The following RIT2 variants were observed in gnomAD, a reference collection of about 807,000 sequenced individuals.
RIT2 encodes GTP-binding protein Rit2.
Under a neutral mutation model 23.7 loss-of-function variants are expected in RIT2, and 24 were observed. The observed-to-expected ratio is 1.01, with a 90% CI of 0.73 to 1.43. The LOEUF (loss-of-function observed/expected upper bound fraction) is 1.43, where lower values mean the gene tolerates loss of function less well. RIT2 is among the 40% of genes most tolerant of loss of function. The probability of loss-of-function intolerance (pLI) is 0.00; values close to 1 mark genes in which losing one functional copy is unlikely to be tolerated. For synonymous variants in RIT2, 107 were observed against 91.1 expected (o/e 1.17, Z -0.99); for missense variants, 236 against 266.9 (o/e 0.88, Z 0.81).
intron 3 of RIT2, among the ~76,000 whole-genome samples, chr18:42,962,593 G>T (rs113892211): frequency 1.4e-3 from 211 of 152,312 alleles, no homozygotes; most frequent in African/African-American, 4.8e-3. Context: ...GAGTCAAACA[G>T]CTTTGCTTCA....
intron 4 of RIT2, among the ~76,000 whole-genome samples, chr18:42,768,197 C>G (rs1913471322): frequency 6.6e-6 from 1 of 152,038 alleles, no homozygotes; most frequent in African/African-American, 2.4e-5. Flanking sequence ...AGTTACCTTT[C>G]TGAATAATTT....
chr18:43,107,924 A>G (rs992770099), intron 1 of RIT2, among the ~76,000 whole-genome samples: 17 of 151,726 alleles, frequency 1.1e-4, no homozygotes, highest in African/African-American at 4.1e-4. Context: ...AGCCCTTTGG[A>G]AGTCCGAGGC....
intron 4 of RIT2, among the ~76,000 whole-genome samples, chr18:42,791,079 C>A (rs1054996611): frequency 6.6e-6 from 1 of 152,112 alleles, no homozygotes; most frequent in African/African-American, 2.4e-5. Flanking sequence ...TCTAATGTGG[C>A]AATAAACTTA....
At chr18:43,013,735 G>T (rs1227672903) in intron 2 of RIT2, among the ~76,000 whole-genome samples, 1 of 151,600 alleles carries the variant, frequency 6.6e-6, no homozygotes, top group Non-Finnish European at 1.5e-5. Flanking sequence ...GCAATTTTCG[G>T]TATCAAATGC....
At chr18:43,084,132 A>G (rs907196666) in intron 1 of RIT2, among the ~76,000 whole-genome samples, 2 of 152,246 alleles carry the variant, frequency 1.3e-5, no homozygotes, top group Non-Finnish European at 2.9e-5. Context: ...ACATAGGAAA[A>G]AAAGCTCATC....
At chr18:42,837,147 C>CTTTTTTTTTTTTTT in intron 4 of RIT2, among the ~76,000 whole-genome samples, 1 of 48,716 alleles carries the variant, frequency 2.1e-5, no homozygotes, top group Non-Finnish European at 4.7e-5. Flanking sequence ...CTTTTTTTTT[C>CTTTTTTTTTTTTTT]TTTTTCTTTT....
chr18:42,895,523 C>T (rs1908304575), intron 4 of RIT2, among the ~76,000 whole-genome samples: 1 of 152,128 alleles, frequency 6.6e-6, no homozygotes, highest in Non-Finnish European at 1.5e-5. Flanking sequence ...GGCAGTAAGA[C>T]ATGTGAGCAC....
chr18:43,058,344 T>C (rs182306086), intron 1 of RIT2, among the ~76,000 whole-genome samples: 8 of 152,226 alleles, frequency 5.3e-5, no homozygotes, highest in East Asian at 1.9e-4. Flanking sequence ...TTCTACATTA[T>C]CTGCTACTCA....
chr18:42,827,930 G>A (rs551186989), intron 4 of RIT2, among the ~76,000 whole-genome samples: 106 of 149,836 alleles, frequency 7.1e-4, no homozygotes, highest in Non-Finnish European at 1.1e-3. Context: ...GTGCGAACCC[G>A]GGAGGCGGAG....
intron 2 of RIT2, among the ~76,000 whole-genome samples, chr18:42,982,785 A>G (rs534978283): frequency 2.0e-5 from 3 of 152,236 alleles, no homozygotes; most frequent in Admixed American, 2.0e-4. Context: ...TATTGAACAA[A>G]ACACATACAT....
chr18:42,988,101 T>C (rs1489835178), intron 2 of RIT2, among the ~76,000 whole-genome samples: 1 of 152,158 alleles, frequency 6.6e-6, no homozygotes, highest in Non-Finnish European at 1.5e-5. Flanking sequence ...AGTGTACTCA[T>C]AGAGTAGATT....
intron 2 of RIT2, among the ~76,000 whole-genome samples, chr18:43,005,366 T>C (rs181670234): frequency 1.3e-4 from 19 of 152,000 alleles, no homozygotes; most frequent in South Asian, 4.1e-4. Context: ...AAAGGGAATA[T>C]TTAAAATCTG....
At chr18:42,988,554 C>G (rs954757695) in intron 2 of RIT2, among the ~76,000 whole-genome samples, 4 of 152,112 alleles carry the variant, frequency 2.6e-5, no homozygotes, top group Non-Finnish European at 4.4e-5. Context: ...GGCATGATGC[C>G]CCAAGTTCCA....
At chr18:42,980,998 A>G (rs1910585817) in intron 2 of RIT2, among the ~76,000 whole-genome samples, 1 of 152,070 alleles carries the variant, frequency 6.6e-6, no homozygotes, top group Non-Finnish European at 1.5e-5. Flanking sequence ...TTTTCCTTTC[A>G]ACCTGAGAGA....
intron 4 of RIT2, among the ~76,000 whole-genome samples, chr18:42,837,761 G>T (rs1471992981): frequency 6.6e-6 from 1 of 152,066 alleles, no homozygotes; most frequent in African/African-American, 2.4e-5. Flanking sequence ...TCCCCAGGTG[G>T]TGTTGTTTAT....
At chr18:42,994,965 A>G (rs2144233406) in intron 2 of RIT2, among the ~76,000 whole-genome samples, 1 of 152,036 alleles carries the variant, frequency 6.6e-6, no homozygotes, top group Non-Finnish European at 1.5e-5. Context: ...ATTATTCCGG[A>G]TACCACACCT....
intron 1 of RIT2, among the ~76,000 whole-genome samples, chr18:43,034,387 A>T (rs1158260931): frequency 6.6e-6 from 1 of 152,138 alleles, no homozygotes; most frequent in Non-Finnish European, 1.5e-5. Flanking sequence ...TATTTTGCCT[A>T]ATTTATGTTA....
chr18:42,881,476 T>C (rs977147327), intron 4 of RIT2, among the ~76,000 whole-genome samples: 1 of 152,200 alleles, frequency 6.6e-6, no homozygotes, highest in African/African-American at 2.4e-5. Context: ...CTGTGTCAAT[T>C]CCTATGGAAA....
chr18:42,769,517 A>C (rs643286), intron 4 of RIT2, among the ~76,000 whole-genome samples: 98,504 of 151,892 alleles, frequency 0.65, 35,868 homozygotes, highest in Middle Eastern at 0.83. Context: ...CTTTTACTAG[A>C]TCTTCATATT....
Sources: allele counts gnomAD v4.1 joint callset (sites outside exome capture counted in the v4.1 genomes callset), GRCh38; gene constraint gnomAD v4.1.1; transcripts MANE v1.5; gene names NCBI Gene and HGNC (gene_info 2026-07-23, HGNC 2026-07-21).